CSMD3: variants seen among roughly 807,000 people sequenced by gnomAD.
CSMD3 encodes the protein CUB and Sushi multiple domains 3, also known as CUB and sushi domain-containing protein 3.
A neutral mutation model predicts 435.2 loss-of-function variants in CSMD3; 177 were observed. The observed-to-expected ratio is 0.41, with a 90% CI of 0.36 to 0.46. CSMD3 has a LOEUF of 0.46. CSMD3 is among the 20% of genes least tolerant of loss of function. The pLI, the probability that CSMD3 is intolerant of heterozygous loss-of-function variation, is 0.34. For missense variants in CSMD3, 4,265 were observed against 4,504.6 expected (o/e 0.95, Z 1.52); for synonymous variants, 1,656 against 1,520.5 (o/e 1.09, Z -2.07).
chr8:112,492,406 A>G, intron 31 of CSMD3, 83 bp downstream of exon 31: 1 of 1,023,004 alleles, frequency 9.8e-7, no homozygotes, highest in South Asian at 1.3e-5. Context: ...GGAATAGTTG[A>G]TGTTCTGAAA....
At position 112,254,265 on chromosome 8, in the gene CSMD3, T is replaced by C; in HGVS notation, c.10098A>G (p.Thr3366=). ...CTAAAGTACCCACTTGAAATCCGAA[T>C]GTATTGTTCTGAGATCCATGCCGAG... ...GVPRHGSQNN[T]FGFQVGSVVQ... The change falls in exon 63 of 71, where the codon ACA becomes ACG. Residue 3366 remains threonine, a synonymous_variant. Coordinates refer to ENST00000297405, the MANE Select transcript of CSMD3 (RefSeq NM_198123.2). The C allele has an allele frequency of 6.2e-7, 1 of 1,611,982 alleles. No individual in the cohort carries two copies. Among genetic ancestry groups the C allele is most frequent in the South Asian group, 1.1e-5 (1 of 91,056 alleles).
intron 5 of CSMD3, among the ~76,000 whole-genome samples, chr8:113,069,334 GAAC>G (rs2089000147): frequency 6.6e-6 from 1 of 151,986 alleles, no homozygotes; most frequent in African/African-American, 2.4e-5. Context: ...TGCAAGTTTG[GAAC>G]AACATGTCTT....
chr8:113,255,156 C>T (rs2093368858), intron 3 of CSMD3, among the ~76,000 whole-genome samples: 1 of 151,978 alleles, frequency 6.6e-6, no homozygotes, highest in South Asian at 2.1e-4. Context: ...AAATAATAAA[C>T]AATAATATTA....
chr8:112,474,548 T>G (rs1169600655), intron 31 of CSMD3, among the ~76,000 whole-genome samples: 2 of 152,074 alleles, frequency 1.3e-5, no homozygotes, highest in East Asian at 3.9e-4. Flanking sequence ...CCATTAGATA[T>G]CAGTAGTGGC....
chr8:112,554,373 G>T (rs1166352087), intron 25 of CSMD3, among the ~76,000 whole-genome samples: 1 of 151,868 alleles, frequency 6.6e-6, no homozygotes, highest in East Asian at 1.9e-4. Flanking sequence ...AAATTAAAAA[G>T]ATATTAGTAT....
chr8:112,670,600 A>C (rs1490121743), intron 16 of CSMD3, among the ~76,000 whole-genome samples: 1 of 152,212 alleles, frequency 6.6e-6, no homozygotes, highest in African/African-American at 2.4e-5. Flanking sequence ...AAGGAGAATC[A>C]AAAGCATTTA....
At chr8:112,581,419 AT>A (rs1479334899) in intron 23 of CSMD3, among the ~76,000 whole-genome samples, 55 of 152,226 alleles carry the variant, frequency 3.6e-4, no homozygotes, top group African/African-American at 1.3e-3. Context: ...ATCACCAAAT[AT>A]AACCCTAAAT....
chr8:112,456,212 T>G (rs927048631), intron 32 of CSMD3, among the ~76,000 whole-genome samples: 9 of 152,110 alleles, frequency 5.9e-5, no homozygotes, highest in African/African-American at 2.2e-4. Flanking sequence ...GCTTTATAAG[T>G]AGGTAAGAAC....
Position 112,408,403 on chromosome 8 carries a change from A to AAGTG in CSMD3, c.5516_5519dup (p.Pro1841ThrfsTer7). The AAGTG allele has an allele frequency of 6.2e-7, 1 of 1,602,984 alleles. No homozygotes were observed. Among genetic ancestry groups the AAGTG allele is most frequent in the Non-Finnish European group, 8.5e-7 (1 of 1,170,314 alleles). On this transcript the variant is annotated frameshift_variant, in exon 34 of 71. Coordinates refer to ENST00000297405, the MANE Select transcript of CSMD3 (RefSeq NM_198123.2). LOFTEE classifies it high-confidence loss of function. The stretch of plus-strand genomic sequence containing the variant: ...TGATCTGATTACCTGAACTCAGTGG[A>AAGTG]AGTGATTCTCCTACTCAACAAAACA...
chr8:112,680,166 C>A (rs753095489), intron 16 of CSMD3, among the ~76,000 whole-genome samples: 8 of 152,082 alleles, frequency 5.3e-5, no homozygotes, highest in Non-Finnish European at 1.0e-4. Flanking sequence ...ACCAGCCTGG[C>A]CAACATGGTG....
At chr8:112,790,528 A>G (rs2078660948) in intron 13 of CSMD3, among the ~76,000 whole-genome samples, 1 of 152,116 alleles carries the variant, frequency 6.6e-6, no homozygotes. Flanking sequence ...AACTTTGCAT[A>G]AGCCTGAGTA....
chr8:113,204,004 T>C (rs2092742878), intron 3 of CSMD3, among the ~76,000 whole-genome samples: 1 of 152,094 alleles, frequency 6.6e-6, no homozygotes, highest in South Asian at 2.1e-4. Flanking sequence ...AAACCTCTAT[T>C]TCCCCCCTAT....
intron 1 of CSMD3, among the ~76,000 whole-genome samples, chr8:113,387,071 C>T (rs10089887): frequency 0.77 from 117,434 of 151,640 alleles, 46,046 homozygotes; most frequent in East Asian, 0.94. Flanking sequence ...ATAAGACCAT[C>T]CTGTTGCCTC....
At chr8:112,878,712 T>C (rs1338342440) in intron 10 of CSMD3, among the ~76,000 whole-genome samples, 3 of 152,146 alleles carry the variant, frequency 2.0e-5, no homozygotes, top group East Asian at 1.9e-4. Flanking sequence ...GTGGCACATA[T>C]ACACCATGGA....
chr8:113,087,615 C>T (rs1172180619), intron 5 of CSMD3, among the ~76,000 whole-genome samples: 2 of 151,876 alleles, frequency 1.3e-5, no homozygotes, highest in Non-Finnish European at 2.9e-5. Context: ...GGAAAGGATT[C>T]CCTATTTAAT....
intron 6 of CSMD3, among the ~76,000 whole-genome samples, chr8:112,983,515 T>C (rs1564177277): frequency 6.6e-6 from 1 of 150,672 alleles, no homozygotes; most frequent in South Asian, 2.1e-4. Flanking sequence ...CCAAAAAAAT[T>C]ATTCTCTCAT....
intron 16 of CSMD3, among the ~76,000 whole-genome samples, chr8:112,681,307 C>T (rs544628311): frequency 4.8e-4 from 73 of 151,700 alleles, no homozygotes; most frequent in African/African-American, 1.6e-3. Flanking sequence ...CCGCCTTGGC[C>T]TCCTAAAGTG....
intron 13 of CSMD3, among the ~76,000 whole-genome samples, chr8:112,791,699 T>G (rs2078697459): frequency 6.6e-6 from 1 of 152,158 alleles, no homozygotes; most frequent in East Asian, 1.9e-4. Flanking sequence ...TATATTCTCA[T>G]ACAAGTCTTT....
In CSMD3 at chr8:113,309,902, A is replaced by C. The variant is rs1469162254; in HGVS notation, c.401+4669T>G. On this transcript the variant is annotated intron_variant, in intron 2 of 70. Coordinates refer to ENST00000297405, the MANE Select transcript of CSMD3 (RefSeq NM_198123.2). ...ATGGTGATGTCAGGCTGTTCTGGCCAATGATATAGGAGAAGAATCCTTCTA... is the reference window on the plus strand; with the variant it reads ...ATGGTGATGTCAGGCTGTTCTGGCCCATGATATAGGAGAAGAATCCTTCTA... 2.0e-5 allele frequency: 3 copies of C among 152,216 alleles called. No homozygotes were observed. The East Asian group carries it at 5.8e-4, about 29-fold the overall frequency. The allele number at this position is 152,216 out of a possible 1,614,324, so 9.4% of individuals were successfully genotyped here.
Sources: allele counts gnomAD v4.1 joint callset (sites outside exome capture counted in the v4.1 genomes callset), GRCh38; gene constraint gnomAD v4.1.1; transcripts MANE v1.5; gene names NCBI Gene and HGNC (gene_info 2026-07-23, HGNC 2026-07-21).